PLD5: variants seen among roughly 807,000 people sequenced by gnomAD.
The protein encoded by PLD5 is phospholipase D family member 5, also known as inactive phospholipase D5.
Under a neutral mutation model 61.1 loss-of-function variants are expected in PLD5, and 36 were observed. That is an observed-to-expected ratio of 0.59 (90% CI 0.45 to 0.78). The LOEUF is 0.78. Ranked by LOEUF, PLD5 falls within the 30% of genes least tolerant of loss-of-function variation. The probability of loss-of-function intolerance (pLI) is 0.00; values close to 1 mark genes in which losing one functional copy is unlikely to be tolerated. For missense variants in PLD5, 515 were observed against 644.4 expected (o/e 0.80, Z 2.17); for synonymous variants, 243 against 242.8 (o/e 1.00, Z -0.01).
chr1:242,267,669 C>T (rs1673772498), intron 3 of PLD5, among the ~76,000 whole-genome samples: 1 of 151,142 alleles, frequency 6.6e-6, no homozygotes, highest in African/African-American at 2.4e-5. Context: ...CACTTGACCC[C>T]AGGAGTTCGA....
chr1:242,135,560 TG>T (rs2148772033), intron 5 of PLD5, among the ~76,000 whole-genome samples: 1 of 152,328 alleles, frequency 6.6e-6, no homozygotes, highest in Non-Finnish European at 1.5e-5. Flanking sequence ...CAGCATTGGA[TG>T]CTAGGAAAAC....
intron 5 of PLD5, among the ~76,000 whole-genome samples, chr1:242,191,628 G>T (rs1668294468): frequency 6.6e-6 from 1 of 152,030 alleles, no homozygotes; most frequent in South Asian, 2.1e-4. Context: ...AAAAAACTCT[G>T]CAGAAAAAGG....
At chr1:242,377,904 T>C (rs1662056857) in intron 1 of PLD5, among the ~76,000 whole-genome samples, 1 of 152,196 alleles carries the variant, frequency 6.6e-6, no homozygotes. Context: ...CGGAACCCTA[T>C]ACATTGTTGG....
intron 2 of PLD5, among the ~76,000 whole-genome samples, chr1:242,305,498 C>T (rs2149166211): frequency 6.6e-6 from 1 of 152,314 alleles, no homozygotes; most frequent in African/African-American, 2.4e-5. Context: ...GAAGACAGGA[C>T]CTCAAGACAG....
intron 1 of PLD5, among the ~76,000 whole-genome samples, chr1:242,519,374 T>G (rs1013333295): frequency 2.0e-5 from 3 of 152,230 alleles, no homozygotes; most frequent in Admixed American, 6.5e-5. Context: ...AAACTCTGTT[T>G]AAGTAGGTGC....
intron 1 of PLD5, among the ~76,000 whole-genome samples, chr1:242,375,189 G>A (rs905164579): frequency 6.6e-6 from 1 of 152,190 alleles, no homozygotes; most frequent in Non-Finnish European, 1.5e-5. Flanking sequence ...GTGGCAACAG[G>A]CTAGAGGTTT....
intron 2 of PLD5, among the ~76,000 whole-genome samples, chr1:242,303,973 C>G (rs1306549329): frequency 6.6e-6 from 1 of 152,188 alleles, no homozygotes; most frequent in Non-Finnish European, 1.5e-5. Context: ...ACCATGGGCT[C>G]TGTCAAATTG....
intron 6 of PLD5, 196 bp downstream of exon 6, chr1:242,124,272 G>A (rs569395913): frequency 1.4e-4 from 78 of 548,472 alleles, no homozygotes; most frequent in African/African-American, 1.2e-3. Flanking sequence ...CTGACACAAG[G>A]AATGATGATC....
At position 242,239,095 on chromosome 1, in the gene PLD5, G is replaced by T. The variant is rs1463777049; in HGVS notation, c.608-18980C>A. ...AGGAACAACAATCTCATCTTTCTTT[G>T]TACTGTAGTCACTCAGGGGTCTTGC... On this transcript the variant is annotated intron_variant, in intron 4 of 9. Transcript: ENST00000536534. Among the ~76,000 whole-genome samples, 4 of 152,124 alleles carry T rather than the reference G, an allele frequency of 2.6e-5. No homozygotes were observed. In the East Asian group the frequency reaches 7.7e-4, roughly 29 times the overall value.
At chr1:242,180,620 G>A (rs149798265) in intron 5 of PLD5, among the ~76,000 whole-genome samples, 373 of 152,268 alleles carry the variant, frequency 2.4e-3, no homozygotes, top group Non-Finnish European at 4.3e-3. Context: ...TCACCTGGAC[G>A]GCTTGTTAGA....
At chr1:242,336,347 G>A (rs147379600) in intron 2 of PLD5, among the ~76,000 whole-genome samples, 2 of 152,068 alleles carry the variant, frequency 1.3e-5, no homozygotes, top group Admixed American at 6.5e-5. Context: ...TTCCAGGATC[G>A]ATAAAGATCT....
At chr1:242,126,282 C>T (rs1662776902) in intron 5 of PLD5, among the ~76,000 whole-genome samples, 1 of 152,172 alleles carries the variant, frequency 6.6e-6, no homozygotes, top group South Asian at 2.1e-4. Flanking sequence ...AAAATACCAC[C>T]ATCATTCTTC....
chr1:242,245,479 G>A (rs564694073), intron 4 of PLD5, among the ~76,000 whole-genome samples: 2 of 152,338 alleles, frequency 1.3e-5, no homozygotes, highest in East Asian at 3.9e-4. Context: ...CACAGCGTGT[G>A]GGGATGCAGC....
At chr1:242,230,005 ACATTTCT>A (rs1671201002) in intron 4 of PLD5, among the ~76,000 whole-genome samples, 1 of 151,862 alleles carries the variant, frequency 6.6e-6, no homozygotes, top group South Asian at 2.1e-4. Flanking sequence ...ATGCCTGGAG[ACATTTCT>A]GCTTGTCGCA....
intron 1 of PLD5, among the ~76,000 whole-genome samples, chr1:242,497,167 AACT>A (rs1668397599): frequency 6.6e-6 from 1 of 152,196 alleles, no homozygotes; most frequent in Non-Finnish European, 1.5e-5. Context: ...ATGCAGCCAA[AACT>A]ACATCTACTG....
chr1:242,241,089 G>A (rs74150872), intron 4 of PLD5, among the ~76,000 whole-genome samples: 2,783 of 152,206 alleles, frequency 0.018, 92 homozygotes, highest in African/African-American at 0.063. Context: ...TACGTTAGAC[G>A]AGCCAAGAAT....
chr1:242,177,357 T>C (rs1208468283), intron 5 of PLD5, among the ~76,000 whole-genome samples: 2 of 151,666 alleles, frequency 1.3e-5, no homozygotes, highest in African/African-American at 4.8e-5. Context: ...TAAGTGAGAG[T>C]TGAACAATGA....
chr1:242,110,066 A>G (rs1005449171), intron 7 of PLD5, among the ~76,000 whole-genome samples: 6 of 145,354 alleles, frequency 4.1e-5, no homozygotes, highest in African/African-American at 1.5e-4. Context: ...ATATTATATT[A>G]CTATATTATA....
At chr1:242,454,420 T>G (rs943863830) in intron 1 of PLD5, among the ~76,000 whole-genome samples, 2 of 151,808 alleles carry the variant, frequency 1.3e-5, no homozygotes. Context: ...CAGCTTCTAA[T>G]ACTGTTTCAA....
Sources: gnomAD v4.1 joint callset for allele counts (sites outside exome capture counted in the v4.1 genomes callset) on GRCh38, gnomAD v4.1.1 for gene constraint, MANE v1.5 for transcripts, NCBI Gene and HGNC (gene_info 2026-07-23, HGNC 2026-07-21) for gene names.